UBAP2: variants seen among roughly 807,000 people sequenced by gnomAD.
UBAP2 encodes ubiquitin associated protein 2.
UBAP2 carries 75 observed loss-of-function variants against 139.6 expected under a neutral mutation model. The observed-to-expected ratio is 0.54, with a 90% CI of 0.45 to 0.65. The LOEUF is 0.65. Among genes scored for constraint, UBAP2 ranks in the 30% least tolerant of loss-of-function variants. UBAP2 has a pLI of 0.00. For synonymous variants in UBAP2, 526 were observed against 526.2 expected (o/e 1.00, Z 0.01); for missense variants, 1,368 against 1,369.6 (o/e 1.00, Z 0.02).
chr9:34,001,678 T>C (rs1412915452), intron 2 of UBAP2, among the ~76,000 whole-genome samples: 1 of 152,196 alleles, frequency 6.6e-6, no homozygotes, highest in Non-Finnish European at 1.5e-5. Flanking sequence ...AAAATGAAAG[T>C]AGACTGTTAG....
At chr9:33,955,609 A>G (rs1177549612) in intron 11 of UBAP2, among the ~76,000 whole-genome samples, 1 of 152,012 alleles carries the variant, frequency 6.6e-6, no homozygotes, top group Non-Finnish European at 1.5e-5. Context: ...TGGGCGGATC[A>G]CCTGAGGTTG....
Position 33,963,987 on chromosome 9 carries a change from C to A in UBAP2, c.680-196G>T, listed in dbSNP as rs200473620. Among the ~76,000 whole-genome samples, 251 of 152,264 alleles carry A rather than the reference C, an allele frequency of 1.6e-3. 1 individual carries two copies. Among genetic ancestry groups the A allele is most frequent in the Non-Finnish European group, 2.7e-3 (185 of 68,024 alleles). On this transcript the variant is annotated intron_variant, in intron 8 of 28. Coordinates refer to ENST00000379238, the MANE Select transcript of UBAP2 (RefSeq NM_001370062.2). ...TCTTATCCTTGATGGCTCTTGGACA[C>A]TCAAATCACTTCAATTATTCTCATT...
rs989223860 is a variant in UBAP2, at chr9:33,922,541, T to C, written c.3323A>G (p.Lys1108Arg). ...GTATGGAGAGTTGCCGTAGGCAGGT[T>C]TGGAGGCTTGAGACTTGGGCTGCAG... The part of the protein sequence containing the change: ...SSLQPKSQAS[K>R]PAYGNSPYWT... The change falls in exon 29 of 29, where the codon AAA becomes AGA. Residue 1108 changes from lysine to arginine, a missense_variant. Physicochemically the swap from Lys to Arg is conservative, Grantham distance 26 (BLOSUM62 2). Coordinates refer to ENST00000379238, the MANE Select transcript of UBAP2 (RefSeq NM_001370062.2). The C allele has an allele frequency of 1.4e-5, 23 of 1,613,956 alleles. No individual in the cohort carries two copies. Among genetic ancestry groups the C allele is most frequent in the Non-Finnish European group, 1.8e-5 (21 of 1,179,982 alleles).
intron 12 of UBAP2, among the ~76,000 whole-genome samples, chr9:33,952,295 C>T (rs1199749835): frequency 1.3e-5 from 2 of 152,218 alleles, no homozygotes; most frequent in Admixed American, 6.5e-5. Context: ...TCTAAAGCAA[C>T]ATTCTTGTAT....
At position 33,972,864 on chromosome 9, in the gene UBAP2, G is replaced by A. The variant is rs983228148; in HGVS notation, c.575+319C>T. 3.9e-5 allele frequency among the ~76,000 whole-genome samples: 6 copies of A among 152,126 alleles called. No homozygotes were observed. In the South Asian group the frequency reaches 8.3e-4, roughly 21 times the overall value. ...TAGGTATTTTGTCACAACTTCAGGC[G>A]AAGTGCTACTGACATTTATTAATAG... On this transcript the variant is annotated intron_variant, in intron 7 of 28. Coordinates refer to ENST00000379238, the MANE Select transcript of UBAP2 (RefSeq NM_001370062.2).
intron 12 of UBAP2, among the ~76,000 whole-genome samples, chr9:33,950,386 A>G (rs1343764142): frequency 6.6e-6 from 1 of 152,168 alleles, no homozygotes; most frequent in Non-Finnish European, 1.5e-5. Flanking sequence ...ATAACATTTC[A>G]TATCCATTTA....
At chr9:33,957,302 A>G (rs566759047) in intron 10 of UBAP2, among the ~76,000 whole-genome samples, 1 of 152,308 alleles carries the variant, frequency 6.6e-6, no homozygotes, top group Non-Finnish European at 1.5e-5. Context: ...AAATAACTGA[A>G]TAAGTCTGGC....
At chr9:33,924,356 G>T (rs918026131) in intron 22 of UBAP2, 72 bp from the exon 23 acceptor site, 1 of 1,462,602 alleles carries the variant, frequency 6.8e-7, no homozygotes, top group African/African-American at 1.4e-5. Flanking sequence ...ACCAGCACAT[G>T]GAAGTGGTGA....
intron 2 of UBAP2, among the ~76,000 whole-genome samples, chr9:34,000,309 C>T (rs1277318562): frequency 2.0e-5 from 3 of 152,142 alleles, no homozygotes; most frequent in African/African-American, 7.2e-5. Context: ...ACTTTTGTCA[C>T]TCAAAATATT....
chr9:33,925,326 C>G (rs1823331410), intron 22 of UBAP2, among the ~76,000 whole-genome samples: 1 of 152,266 alleles, frequency 6.6e-6, no homozygotes, highest in Admixed American at 6.5e-5. Flanking sequence ...AGGACGGGAG[C>G]AGAGAAAGCC....
rs1325525949 is a variant in UBAP2, at chr9:33,960,990, T to C, written c.746-112A>G. 4 of 940,476 alleles carry C rather than the reference T, an allele frequency of 4.3e-6. No individual in the cohort carries two copies. The South Asian group carries it at 5.5e-5, about 13-fold the overall frequency. 58.3% of individuals were successfully genotyped at this position (940,476 alleles called of 1,614,324 possible). A position where few individuals can be genotyped will look rare whatever the true frequency, so the allele number is the denominator to read the frequency against. On this transcript the variant is annotated intron_variant, in intron 9 of 28. Coordinates refer to ENST00000379238, the MANE Select transcript of UBAP2 (RefSeq NM_001370062.2). ...GGGAAAAAAGATACATACGCCTCACTAGCAATTTAGTTTACAACCCAAGAA... is the reference window on the plus strand; with the variant it reads ...GGGAAAAAAGATACATACGCCTCACCAGCAATTTAGTTTACAACCCAAGAA...
intron 11 of UBAP2, 86 bp downstream of exon 11, chr9:33,955,993 G>A (rs1022009704): frequency 9.6e-7 from 1 of 1,042,374 alleles, no homozygotes. Context: ...AATAGAAAGA[G>A]ACCCAAAAAT....
intron 13 of UBAP2, among the ~76,000 whole-genome samples, chr9:33,946,169 T>C (rs1269128567): frequency 6.6e-6 from 1 of 152,246 alleles, no homozygotes; most frequent in African/African-American, 2.4e-5. Context: ...ACTTATAGAC[T>C]GTTCTTATCT....
In UBAP2 at chr9:33,998,882, T is replaced by A; in HGVS notation, c.100-18A>T. On this transcript the variant is annotated intron_variant, in intron 2 of 28. Coordinates refer to ENST00000379238, the MANE Select transcript of UBAP2 (RefSeq NM_001370062.2). ...GCTGTTGCCTGGAAAGTACATACAA[T>A]TGTTAAGGATTTGAACACCAAAAGC... The A allele has an allele frequency of 6.2e-7, 1 of 1,603,118 alleles. No homozygotes were observed. Among genetic ancestry groups the A allele is most frequent in the South Asian group, 1.1e-5 (1 of 89,990 alleles).
intron 16 of UBAP2, among the ~76,000 whole-genome samples, chr9:33,941,414 C>G (rs756367911): frequency 6.6e-6 from 1 of 152,166 alleles, no homozygotes; most frequent in Non-Finnish European, 1.5e-5. Flanking sequence ...GCTCATACTA[C>G]ACGCATGCTT....
chr9:33,999,086 CCTAAAG>C, intron 2 of UBAP2, among the ~76,000 whole-genome samples: 1 of 152,212 alleles, frequency 6.6e-6, no homozygotes, highest in East Asian at 1.9e-4. Context: ...GACCAAACGA[CCTAAAG>C]CTATTGTTCA....
At chr9:34,002,081 T>C (rs560017841) in intron 2 of UBAP2, among the ~76,000 whole-genome samples, 1 of 151,810 alleles carries the variant, frequency 6.6e-6, no homozygotes, top group African/African-American at 2.4e-5. Flanking sequence ...CTCAGCCTCC[T>C]GAGTAGCAAC....
chr9:33,947,408 G>A (rs1016691347), intron 13 of UBAP2, among the ~76,000 whole-genome samples: 1 of 152,158 alleles, frequency 6.6e-6, no homozygotes, highest in African/African-American at 2.4e-5. Flanking sequence ...GTTTAGTTTA[G>A]AAAACATCCA....
At chr9:34,035,124 A>AAT (rs1354724453) in intron 1 of UBAP2, among the ~76,000 whole-genome samples, 3 of 152,020 alleles carry the variant, frequency 2.0e-5, no homozygotes, top group African/African-American at 7.2e-5. Flanking sequence ...CAGTAGGAAA[A>AAT]ATGCTACTCC....
Sources: gnomAD v4.1 joint callset for allele counts (sites outside exome capture counted in the v4.1 genomes callset) on GRCh38, gnomAD v4.1.1 for gene constraint, MANE v1.5 for transcripts, NCBI Gene and HGNC (gene_info 2026-07-23, HGNC 2026-07-21) for gene names.